VPS13C: variants seen among roughly 807,000 people sequenced by gnomAD.
VPS13C encodes vacuolar protein sorting 13 homolog C, also known as intermembrane lipid transfer protein VPS13C.
A neutral mutation model predicts 456.8 loss-of-function variants in VPS13C; 358 were observed. That is an observed-to-expected ratio of 0.78 (90% CI 0.72 to 0.86). The LOEUF (loss-of-function observed/expected upper bound fraction) is 0.86. Ranked by LOEUF, VPS13C falls within the 40% of genes least tolerant of loss-of-function variation. The pLI is 0.00. For missense variants in VPS13C, 4,818 were observed against 4,385.4 expected (o/e 1.10, Z -2.79); for synonymous variants, 1,578 against 1,486.7 (o/e 1.06, Z -1.41).
intron 16 of VPS13C, among the ~76,000 whole-genome samples, chr15:61,997,841 C>G (rs1226009054): frequency 6.6e-6 from 1 of 152,202 alleles, no homozygotes; most frequent in African/African-American, 2.4e-5. Flanking sequence ...TGTCTTCACT[C>G]TTGCCTTCCT....
intron 47 of VPS13C, 151 bp downstream of exon 47, chr15:61,940,496 A>G (rs2044382710): frequency 1.6e-6 from 1 of 608,852 alleles, no homozygotes; most frequent in African/African-American, 1.9e-5. Flanking sequence ...AAAAGTACAC[A>G]TACAACAGAC....
At chr15:61,990,919 A>T (rs2046204262) in intron 18 of VPS13C, 81 bp downstream of exon 18, 3 of 927,194 alleles carry the variant, frequency 3.2e-6, no homozygotes, top group African/African-American at 3.4e-5. Context: ...TATATTACTT[A>T]AAAAAATCAG....
At chr15:61,898,199 G>T (rs1241866311) in intron 66 of VPS13C, among the ~76,000 whole-genome samples, 1 of 151,316 alleles carries the variant, frequency 6.6e-6, no homozygotes, top group Non-Finnish European at 1.5e-5. Context: ...ATCAACTAAC[G>T]AGCAAAATCA....
In VPS13C at chr15:61,949,533, C is replaced by G. The variant is rs201577653; in HGVS notation, c.4669G>C (p.Ala1557Pro). The change falls in exon 42 of 85, where the codon GCT becomes CCT. Residue 1557 changes from alanine to proline, a missense_variant. Coordinates refer to ENST00000644861, the MANE Select transcript of VPS13C (RefSeq NM_020821.3). ...LLSFMDFLSS[A>P]APFSEPSSSE... ...GAGGAAGGCTCAGAGAATGGAGCAGCAGATGATAAAAAATCCATGAAGGAA... is the reference window on the plus strand; with the variant it reads ...GAGGAAGGCTCAGAGAATGGAGCAGGAGATGATAAAAAATCCATGAAGGAA... 85 of 1,613,224 alleles carry G rather than the reference C, an allele frequency of 5.3e-5. No individual in the cohort carries two copies. Among genetic ancestry groups the G allele is most frequent in the Middle Eastern group, 3.3e-4 (2 of 6,078 alleles).
chr15:61,991,302 T>C (rs961746017), intron 17 of VPS13C, among the ~76,000 whole-genome samples: 2 of 152,180 alleles, frequency 1.3e-5, no homozygotes, highest in Non-Finnish European at 2.9e-5. Context: ...GAGACACCAT[T>C]AAGGAAATTC....
At chr15:61,959,726 C>A in intron 35 of VPS13C, 131 bp from the exon 36 acceptor site, 1 of 797,716 alleles carries the variant, frequency 1.3e-6, no homozygotes, top group Non-Finnish European at 1.8e-6. Context: ...TGAGTATTTT[C>A]AAAACTGAAC....
At chr15:62,040,906 T>C (rs976115744) in intron 3 of VPS13C, among the ~76,000 whole-genome samples, 2 of 152,114 alleles carry the variant, frequency 1.3e-5, no homozygotes, top group East Asian at 1.9e-4. Context: ...CCATACCACA[T>C]TGCTGCATAA....
intron 79 of VPS13C, 48 bp downstream of exon 79, chr15:61,871,941 G>A (rs1436302676): frequency 7.3e-6 from 11 of 1,506,794 alleles, no homozygotes; most frequent in Non-Finnish European, 1.0e-5. Flanking sequence ...TTTACTAATA[G>A]CATCAAGTCT....
chr15:61,980,495 T>G (rs1356713587), intron 22 of VPS13C, among the ~76,000 whole-genome samples: 6 of 152,190 alleles, frequency 3.9e-5, no homozygotes, highest in African/African-American at 7.2e-5. Context: ...CAGAGAGTCC[T>G]TCTTCACCAC....
intron 3 of VPS13C, among the ~76,000 whole-genome samples, chr15:62,037,471 A>C (rs2048099487): frequency 9.0e-6 from 1 of 111,320 alleles, no homozygotes; most frequent in African/African-American, 4.8e-5. Context: ...TAATATAATA[A>C]ATTTATTATA....
At chr15:61,932,643 A>C (rs2044100148) in intron 49 of VPS13C, among the ~76,000 whole-genome samples, 1 of 152,148 alleles carries the variant, frequency 6.6e-6, no homozygotes, top group Non-Finnish European at 1.5e-5. Context: ...ATGTGCAATC[A>C]TTGGCACACT....
chr15:62,002,230 A>G (rs1596459535), intron 15 of VPS13C, among the ~76,000 whole-genome samples: 1 of 152,248 alleles, frequency 6.6e-6, no homozygotes, highest in East Asian at 1.9e-4. Context: ...GTGAGATGGT[A>G]TCTCATTGTG....
At chr15:61,855,468 A>T (rs1250980761) in intron 83 of VPS13C, among the ~76,000 whole-genome samples, 1 of 152,166 alleles carries the variant, frequency 6.6e-6, no homozygotes, top group African/African-American at 2.4e-5. Context: ...CAATGTAGTA[A>T]TGCTGAAATA....
At chr15:62,041,958 T>A (rs899713836) in intron 2 of VPS13C, among the ~76,000 whole-genome samples, 8 of 152,082 alleles carry the variant, frequency 5.3e-5, no homozygotes, top group African/African-American at 1.7e-4. Context: ...CCAAATCAAA[T>A]GGAAATTAAA....
chr15:62,054,746 AAG>A (rs1491289092), intron 1 of VPS13C, among the ~76,000 whole-genome samples: 4 of 152,134 alleles, frequency 2.6e-5, no homozygotes, highest in Admixed American at 1.3e-4. Context: ...AAAAAAAAAA[AAG>A]AAGAGGAAGA....
rs1022684433 is a variant in VPS13C, at chr15:61,858,274, A to G, written c.10953-1865T>C. Reference sequence around the variant, plus strand: ...TCTTCTACTCACACACTCCCTCAGAATGGTCTCTCAGATCTCAACTCGAGA... The same window carrying G: ...TCTTCTACTCACACACTCCCTCAGAGTGGTCTCTCAGATCTCAACTCGAGA... On this transcript the variant is annotated intron_variant, in intron 82 of 84. Coordinates refer to ENST00000644861, the MANE Select transcript of VPS13C (RefSeq NM_020821.3). The surrounding 1 kb of genome is among the most constrained non-coding windows in gnomAD (Gnocchi z 4.4). 6.6e-6 allele frequency among the ~76,000 whole-genome samples: 1 copy of G among 152,038 alleles called. No homozygotes were observed. Among genetic ancestry groups the G allele is most frequent in the Non-Finnish European group, 1.5e-5 (1 of 68,000 alleles).
At chr15:61,946,547 C>T (rs945520294) in intron 43 of VPS13C, 137 bp from the exon 44 acceptor site, 2 of 465,366 alleles carry the variant, frequency 4.3e-6, no homozygotes, top group African/African-American at 4.1e-5. Context: ...ATGGCATCAA[C>T]TTTCATGTAT....
chr15:61,862,593 G>C (rs1011143039), intron 82 of VPS13C, among the ~76,000 whole-genome samples: 17 of 152,034 alleles, frequency 1.1e-4, no homozygotes, highest in African/African-American at 4.1e-4. Flanking sequence ...TAAAATTATG[G>C]ACATAAAAAA....
intron 5 of VPS13C, among the ~76,000 whole-genome samples, chr15:62,030,467 C>A (rs775812301): frequency 2.0e-5 from 3 of 152,038 alleles, no homozygotes; most frequent in Non-Finnish European, 4.4e-5. Context: ...TCACCAGGAG[C>A]AAGTGCCGGC....
Sources: gnomAD v4.1 joint callset for allele counts (sites outside exome capture counted in the v4.1 genomes callset) on GRCh38, gnomAD v4.1.1 for gene constraint, Gnocchi (gnomAD v3.1) non-coding constraint, MANE v1.5 for transcripts, NCBI Gene and HGNC (gene_info 2026-07-23, HGNC 2026-07-21) for gene names.